DPP10: variants seen among roughly 807,000 people sequenced by gnomAD.
DPP10 encodes inactive dipeptidyl peptidase 10.
In DPP10, 33 loss-of-function variants were observed where a neutral mutation model predicts 120.9. The observed-to-expected ratio is 0.27, with a 90% CI of 0.21 to 0.37. The LOEUF (loss-of-function observed/expected upper bound fraction) is 0.37, where lower values mean the gene tolerates loss of function less well. Among genes scored for constraint, DPP10 ranks in the 10% least tolerant of loss-of-function variants. DPP10 has a pLI of 1.00. For synonymous variants in DPP10, 337 were observed against 326.1 expected (o/e 1.03, Z -0.36); for missense variants, 816 against 942.8 (o/e 0.87, Z 1.76).
chr2:115,265,401 A>G (rs1180792378), intron 1 of DPP10, among the ~76,000 whole-genome samples: 1 of 151,904 alleles, frequency 6.6e-6, no homozygotes, highest in Non-Finnish European at 1.5e-5. Flanking sequence ...TCTGAATTTA[A>G]ATAATCAGGA....
intron 1 of DPP10, among the ~76,000 whole-genome samples, chr2:115,107,415 G>A (rs1238728028): frequency 8.0e-6 from 1 of 125,184 alleles, no homozygotes; most frequent in African/African-American, 2.8e-5. Flanking sequence ...TGTGGGATTG[G>A]TTATAGCTTT....
chr2:114,882,296 T>C (rs915738383), intron 1 of DPP10, among the ~76,000 whole-genome samples: 9 of 151,960 alleles, frequency 5.9e-5, no homozygotes, highest in Admixed American at 2.0e-4. Context: ...GAAAATATGG[T>C]ATATATACAC....
chr2:114,883,420 G>A (rs886794780), intron 1 of DPP10, among the ~76,000 whole-genome samples: 8 of 152,108 alleles, frequency 5.3e-5, no homozygotes, highest in East Asian at 1.9e-4. Flanking sequence ...AGAGTAGAAC[G>A]CCGTGAAAGA....
At chr2:115,794,738 T>C (rs56108212) in intron 19 of DPP10, among the ~76,000 whole-genome samples, 36 of 152,248 alleles carry the variant, frequency 2.4e-4, no homozygotes, top group Non-Finnish European at 3.8e-4. Context: ...CTGTTTAACA[T>C]TATAGGGAGC....
chr2:115,815,866 A>T, intron 21 of DPP10, 137 bp downstream of exon 21: 1 of 852,550 alleles, frequency 1.2e-6, no homozygotes, highest in Non-Finnish European at 1.9e-6. Context: ...TAACATGGAA[A>T]ACCTCACTGT....
At chr2:115,126,542 C>T (rs75387164) in intron 1 of DPP10, among the ~76,000 whole-genome samples, 5,087 of 152,180 alleles carry the variant, frequency 0.033, 80 homozygotes, top group African/African-American at 0.038. Context: ...AGAAGAGTAT[C>T]ACCTGGATAA....
At chr2:114,638,313 T>C (rs989249435) in intron 1 of DPP10, among the ~76,000 whole-genome samples, 3 of 151,798 alleles carry the variant, frequency 2.0e-5, no homozygotes, top group Non-Finnish European at 2.9e-5. Flanking sequence ...GCTACTGATT[T>C]CTGCACAACA....
intron 1 of DPP10, among the ~76,000 whole-genome samples, chr2:115,206,726 CCT>C (rs2056159178): frequency 6.6e-6 from 1 of 152,092 alleles, no homozygotes; most frequent in Non-Finnish European, 1.5e-5. Flanking sequence ...TTGGTTTACT[CCT>C]CTATTTATTG....
intron 1 of DPP10, among the ~76,000 whole-genome samples, chr2:115,257,011 A>T (rs1287637532): frequency 6.6e-6 from 1 of 152,186 alleles, no homozygotes; most frequent in Non-Finnish European, 1.5e-5. Context: ...AAGGCACAAC[A>T]TGTATGACCT....
At chr2:115,377,767 A>G (rs1353638931) in intron 3 of DPP10, among the ~76,000 whole-genome samples, 1 of 151,940 alleles carries the variant, frequency 6.6e-6, no homozygotes, top group South Asian at 2.1e-4. Context: ...AGCTTTCTAC[A>G]TATGGCTAGC....
At position 114,472,886 on chromosome 2, in the gene DPP10, A is replaced by G. The variant is rs376227312; in HGVS notation, c.60+30048A>G. Among the ~76,000 whole-genome samples the G allele has an allele frequency of 9.9e-5, 15 of 152,248 alleles. No individual in the cohort carries two copies. In the East Asian group the frequency reaches 2.9e-3, roughly 29 times the overall value. Reference sequence around the variant, plus strand: ...GGTCCAGGTTTATCTCAACAATACAATCTCCTCATGCCGTTCTACCTTAGC... The same window carrying G: ...GGTCCAGGTTTATCTCAACAATACAGTCTCCTCATGCCGTTCTACCTTAGC... On this transcript the variant is annotated intron_variant, in intron 1 of 25. Transcript: ENST00000410059.
chr2:115,622,967 C>A (rs1465852612), intron 5 of DPP10, among the ~76,000 whole-genome samples: 2 of 151,950 alleles, frequency 1.3e-5, no homozygotes, highest in Non-Finnish European at 2.9e-5. Flanking sequence ...CTCAGCCTCC[C>A]ATGTAGCTGG....
chr2:115,504,790 G>A (rs1025803181), intron 4 of DPP10, among the ~76,000 whole-genome samples: 11 of 152,068 alleles, frequency 7.2e-5, no homozygotes, highest in African/African-American at 2.4e-4. Context: ...GTGAATTCCA[G>A]CATAGCTTTA....
At chr2:114,567,692 T>C (rs2104989486) in intron 1 of DPP10, among the ~76,000 whole-genome samples, 1 of 152,278 alleles carries the variant, frequency 6.6e-6, no homozygotes, top group East Asian at 1.9e-4. Context: ...AAGAAATCAA[T>C]ATGCCCATGA....
intron 1 of DPP10, among the ~76,000 whole-genome samples, chr2:114,705,236 A>G (rs1052177482): frequency 2.8e-4 from 43 of 152,142 alleles, no homozygotes; most frequent in Non-Finnish European, 3.7e-4. Context: ...AATGGAGAAA[A>G]TTCTTATCCT....
intron 1 of DPP10, among the ~76,000 whole-genome samples, chr2:114,455,159 T>C (rs1678496379): frequency 6.7e-6 from 1 of 148,582 alleles, no homozygotes; most frequent in Admixed American, 6.7e-5. Flanking sequence ...CTTTCTATTG[T>C]GTGTGTGTGT....
chr2:115,583,191 A>C (rs912161567), intron 5 of DPP10, among the ~76,000 whole-genome samples: 1 of 152,216 alleles, frequency 6.6e-6, no homozygotes, highest in East Asian at 1.9e-4. Context: ...ACTAGGAAAC[A>C]AGTTCCTTGA....
intron 1 of DPP10, among the ~76,000 whole-genome samples, chr2:114,524,743 T>C (rs923090872): frequency 5.3e-5 from 8 of 152,128 alleles, no homozygotes; most frequent in African/African-American, 1.9e-4. Context: ...GCTAAGAGGA[T>C]TCATGGTGCC....
intron 1 of DPP10, among the ~76,000 whole-genome samples, chr2:114,912,859 T>C (rs1694476689): frequency 6.6e-6 from 1 of 152,144 alleles, no homozygotes; most frequent in South Asian, 2.1e-4. Context: ...GGAGACAGAA[T>C]TGTAGCCTGT....
Sources: gnomAD v4.1 joint callset for allele counts (sites outside exome capture counted in the v4.1 genomes callset) on GRCh38, gnomAD v4.1.1 for gene constraint, MANE v1.5 for transcripts, NCBI Gene and HGNC (gene_info 2026-07-23, HGNC 2026-07-21) for gene names.